The following KIAA1328 variants were observed in gnomAD, a reference collection of about 807,000 sequenced individuals.
KIAA1328 encodes KIAA1328.
Under a neutral mutation model 68.1 loss-of-function variants are expected in KIAA1328, and 52 were observed. The ratio of observed to expected loss-of-function variants is 0.76; its 90% confidence interval spans 0.61 to 0.96. KIAA1328 has a LOEUF of 0.96. Among genes scored for constraint, KIAA1328 ranks in the 40% least tolerant of loss-of-function variants. KIAA1328 has a pLI of 0.00. For missense variants in KIAA1328, 641 were observed against 677.6 expected, an observed-to-expected ratio of 0.95 and a Z score of 0.60; for synonymous variants, 232 against 239.4, an observed-to-expected ratio of 0.97 and a Z score of 0.28.
intron 4 of KIAA1328, among the ~76,000 whole-genome samples, chr18:36,855,938 A>G (rs943050422): frequency 2.6e-5 from 4 of 151,836 alleles, no homozygotes; most frequent in African/African-American, 4.8e-5. Context: ...TTTTTGAAGG[A>G]TAGTTTTGCC....
At chr18:37,140,653 G>C (rs184924751) in intron 7 of KIAA1328, among the ~76,000 whole-genome samples, 1 of 152,178 alleles carries the variant, frequency 6.6e-6, no homozygotes, top group East Asian at 1.9e-4. Flanking sequence ...GGAACTTAAG[G>C]GTGACTTACA....
intron 5 of KIAA1328, 33 bp downstream of exon 5, chr18:36,885,705 C>T: frequency 7.5e-7 from 1 of 1,332,478 alleles, no homozygotes; most frequent in Middle Eastern, 1.9e-4. Flanking sequence ...TTTTAACGTT[C>T]AAGAAGTTTG....
At chr18:37,115,414 C>T (rs1327568650) in intron 7 of KIAA1328, among the ~76,000 whole-genome samples, 2 of 152,102 alleles carry the variant, frequency 1.3e-5, no homozygotes, top group Non-Finnish European at 2.9e-5. Context: ...AGACAAAAAC[C>T]ACATGATTAT....
At chr18:37,102,134 C>A (rs1254982927) in intron 7 of KIAA1328, among the ~76,000 whole-genome samples, 2 of 152,144 alleles carry the variant, frequency 1.3e-5, no homozygotes, top group Non-Finnish European at 2.9e-5. Flanking sequence ...AAACCAATAG[C>A]ACATCATAAA....
chr18:36,950,248 T>C (rs2051105289), intron 5 of KIAA1328, among the ~76,000 whole-genome samples: 1 of 152,234 alleles, frequency 6.6e-6, no homozygotes, highest in Non-Finnish European at 1.5e-5. Context: ...CTTGCTAGGT[T>C]AGAAAACATT....
intron 6 of KIAA1328, among the ~76,000 whole-genome samples, chr18:36,970,877 A>G (rs984736952): frequency 6.6e-6 from 1 of 152,236 alleles, no homozygotes; most frequent in African/African-American, 2.4e-5. Context: ...CGCAATGCCC[A>G]AAGTAATTTG....
chr18:37,132,340 G>A (rs890376848), intron 7 of KIAA1328, among the ~76,000 whole-genome samples: 1 of 152,212 alleles, frequency 6.6e-6, no homozygotes, highest in African/African-American at 2.4e-5. Context: ...AAGCCCTACA[G>A]AGAGATTTTT....
chr18:37,165,586 ATTTTTTTTTTT>A (rs767099970), intron 8 of KIAA1328, among the ~76,000 whole-genome samples: 3 of 126,024 alleles, frequency 2.4e-5, no homozygotes, highest in African/African-American at 8.8e-5. Context: ...CACCCGGCTA[ATTTTTTTTTTT>A]TTTTTTTTTT....
At chr18:37,050,333 A>G (rs1443406954) in intron 6 of KIAA1328, among the ~76,000 whole-genome samples, 1 of 152,048 alleles carries the variant, frequency 6.6e-6, no homozygotes, top group Non-Finnish European at 1.5e-5. Flanking sequence ...ATTCTCCTTT[A>G]TGTTTTGTTT....
intron 9 of KIAA1328, among the ~76,000 whole-genome samples, chr18:37,204,751 G>A (rs1180782070): frequency 1.9e-5 from 2 of 106,992 alleles, no homozygotes; most frequent in East Asian, 5.4e-4. Flanking sequence ...TAATTAAAAA[G>A]GAGTTTCAGT....
chr18:36,915,334 G>T (rs1444991935), intron 5 of KIAA1328, among the ~76,000 whole-genome samples: 1 of 152,076 alleles, frequency 6.6e-6, no homozygotes, highest in Non-Finnish European at 1.5e-5. Context: ...GAAAAAACAT[G>T]ATTAATTGGA....
At chr18:37,192,545 T>G (rs1204168683) in intron 9 of KIAA1328, among the ~76,000 whole-genome samples, 1 of 152,204 alleles carries the variant, frequency 6.6e-6, no homozygotes, top group Non-Finnish European at 1.5e-5. Flanking sequence ...GATTTTGGTT[T>G]CTACACTATA....
At chr18:37,202,505 A>T (rs2060134069) in intron 9 of KIAA1328, among the ~76,000 whole-genome samples, 1 of 152,186 alleles carries the variant, frequency 6.6e-6, no homozygotes, top group Non-Finnish European at 1.5e-5. Flanking sequence ...AGAAAAAGCA[A>T]ATTTTGGACT....
chr18:37,184,922 G>C (rs1210005940), intron 9 of KIAA1328, among the ~76,000 whole-genome samples: 3 of 152,116 alleles, frequency 2.0e-5, no homozygotes, highest in Non-Finnish European at 2.9e-5. Context: ...CCAGCACTTT[G>C]GGAGGCTGAG....
chr18:36,848,067 A>G (rs1028550618), intron 4 of KIAA1328, among the ~76,000 whole-genome samples: 5 of 151,562 alleles, frequency 3.3e-5, no homozygotes, highest in Admixed American at 2.6e-4. Flanking sequence ...GGTCCTTTGC[A>G]TTTCACTGTA....
At chr18:36,844,568 T>C (rs2046965903) in intron 4 of KIAA1328, among the ~76,000 whole-genome samples, 1 of 152,008 alleles carries the variant, frequency 6.6e-6, no homozygotes, top group Non-Finnish European at 1.5e-5. Context: ...GGTCATCTAT[T>C]GAGGGAAGTT....
At position 36,868,113 on chromosome 18, in the gene KIAA1328, C is replaced by T. The variant is rs1171950751; in HGVS notation, c.333-17444C>T. Among the ~76,000 whole-genome samples the T allele has an allele frequency of 5.3e-5, 8 of 152,036 alleles. No homozygotes were observed. The South Asian group carries it at 6.2e-4, about 12-fold the overall frequency. On this transcript the variant is annotated intron_variant, in intron 4 of 9. Coordinates refer to ENST00000280020, the MANE Select transcript of KIAA1328 (RefSeq NM_020776.3). ...GCCATGCTAATAAAAGAATAGAATACGAATGTGAGTCTGAATTTATGGGCT... is the reference window on the plus strand; with the variant it reads ...GCCATGCTAATAAAAGAATAGAATATGAATGTGAGTCTGAATTTATGGGCT...
At chr18:37,098,016 C>G (rs2057467349) in intron 7 of KIAA1328, among the ~76,000 whole-genome samples, 1 of 152,154 alleles carries the variant, frequency 6.6e-6, no homozygotes. Flanking sequence ...ATGTCATCTG[C>G]AAACAGGGAC....
chr18:36,917,986 TG>T (rs1398243507), intron 5 of KIAA1328, among the ~76,000 whole-genome samples: 1 of 152,162 alleles, frequency 6.6e-6, no homozygotes, highest in African/African-American at 2.4e-5. Flanking sequence ...TTTTTGTTTT[TG>T]TTTTTTTTAA....
Sources: gnomAD v4.1 joint callset for allele counts (sites outside exome capture counted in the v4.1 genomes callset) on GRCh38, gnomAD v4.1.1 for gene constraint, MANE v1.5 for transcripts, NCBI Gene and HGNC (gene_info 2026-07-23, HGNC 2026-07-21) for gene names.